The following SYNPR variants were observed in gnomAD, a reference collection of about 807,000 sequenced individuals.
SYNPR encodes the protein synaptoporin.
SYNPR carries 23 observed loss-of-function variants against 32.9 expected under a neutral mutation model. The observed-to-expected ratio is 0.70, with a 90% CI of 0.50 to 0.99. The LOEUF is 0.99. Ranked by LOEUF, SYNPR falls within the 50% of genes least tolerant of loss-of-function variation. The pLI is 0.00. For missense variants in SYNPR, 318 were observed against 349.3 expected (o/e 0.91, Z 0.71); for synonymous variants, 146 against 135.9 (o/e 1.07, Z -0.52).
intron 3 of SYNPR, among the ~76,000 whole-genome samples, chr3:63,531,433 C>A (rs2106789264): frequency 6.6e-6 from 1 of 152,210 alleles, no homozygotes; most frequent in Middle Eastern, 3.4e-3. Context: ...CCAAGCTCTA[C>A]CTCGGCTAAC....
chr3:63,372,086 T>A (rs2087820001), intron 2 of SYNPR, among the ~76,000 whole-genome samples: 1 of 152,038 alleles, frequency 6.6e-6, no homozygotes, highest in South Asian at 2.1e-4. Flanking sequence ...GCTCTATGTT[T>A]CCCTGGAAAA....
chr3:63,248,690 A>G lies in SYNPR; in HGVS notation n.67-3809A>G, dbSNP rs764596342. Among the ~76,000 whole-genome samples the G allele has an allele frequency of 4.9e-4, 74 of 152,154 alleles. 2 individuals are homozygous for G. The highest frequency in any genetic ancestry group is 1.3e-4 in the Non-Finnish European group (9 of 68,020). On this transcript the variant is annotated intron_variant and non_coding_transcript_variant, in intron 1 of 4. Transcript: ENST00000478456. ...CTGTTTGAGACAGTGACAACATAAGATATGTGAAATAGATGCTCTGCAACA... is the reference window on the plus strand; with the variant it reads ...CTGTTTGAGACAGTGACAACATAAGGTATGTGAAATAGATGCTCTGCAACA...
intron 2 of SYNPR, among the ~76,000 whole-genome samples, chr3:63,332,577 G>A (rs1330828406): frequency 6.6e-6 from 1 of 152,128 alleles, no homozygotes; most frequent in Non-Finnish European, 1.5e-5. Context: ...AGAAGGTATG[G>A]GTGGATGGGT....
chr3:63,534,970 A>C (rs1292720754), intron 3 of SYNPR, among the ~76,000 whole-genome samples: 8 of 152,160 alleles, frequency 5.3e-5, no homozygotes, highest in Non-Finnish European at 1.0e-4. Flanking sequence ...ATTGGGTATC[A>C]AATTACAATA....
At chr3:63,422,047 C>T (rs1412981719) in intron 2 of SYNPR, among the ~76,000 whole-genome samples, 1 of 152,208 alleles carries the variant, frequency 6.6e-6, no homozygotes, top group Non-Finnish European at 1.5e-5. Flanking sequence ...AACTCTTCCC[C>T]TTTGCCACAT....
chr3:63,318,469 G>T (rs1033118653), intron 2 of SYNPR, among the ~76,000 whole-genome samples: 1 of 151,464 alleles, frequency 6.6e-6, no homozygotes, highest in Non-Finnish European at 1.5e-5. Context: ...TTTTTTCTTT[G>T]TCTTTATTGG....
chr3:63,602,739 G>C (rs1700064123), intron 4 of SYNPR, among the ~76,000 whole-genome samples: 1 of 152,122 alleles, frequency 6.6e-6, no homozygotes, highest in Non-Finnish European at 1.5e-5. Context: ...TGTTGTTTTG[G>C]TTACTGTAGC....
chr3:63,265,097 G>A (rs1281153836), intron 2 of SYNPR, among the ~76,000 whole-genome samples: 3 of 152,092 alleles, frequency 2.0e-5, no homozygotes, highest in African/African-American at 4.8e-5. Context: ...TTAAAATTCT[G>A]TAGCGTGCAG....
intron 3 of SYNPR, among the ~76,000 whole-genome samples, chr3:63,539,017 T>C (rs1048975278): frequency 1.3e-5 from 2 of 152,142 alleles, no homozygotes; most frequent in East Asian, 1.9e-4. Context: ...TAAGCCTCAC[T>C]TAACTAGATT....
intron 2 of SYNPR, among the ~76,000 whole-genome samples, chr3:63,406,876 A>G (rs1265088356): frequency 6.6e-6 from 1 of 152,108 alleles, no homozygotes; most frequent in East Asian, 1.9e-4. Flanking sequence ...CAGTCTAAAA[A>G]TTTTTACTGC....
At chr3:63,533,681 T>G (rs11130943) in intron 3 of SYNPR, among the ~76,000 whole-genome samples, 37,605 of 152,010 alleles carry the variant, frequency 0.25, 4,752 homozygotes, top group East Asian at 0.33. Flanking sequence ...ACTAACAAAT[T>G]GCTTCAATTT....
chr3:63,541,687 G>A (rs537815540), intron 3 of SYNPR, among the ~76,000 whole-genome samples: 5 of 151,908 alleles, frequency 3.3e-5, no homozygotes, highest in Non-Finnish European at 5.9e-5. Context: ...CATATTCCTC[G>A]GCTTGAAATC....
chr3:63,408,325 AAAGAAAGAAAGAAAG>A (rs1560221263), intron 2 of SYNPR, among the ~76,000 whole-genome samples: 6 of 127,144 alleles, frequency 4.7e-5, no homozygotes, highest in African/African-American at 2.0e-4. Flanking sequence ...GGAAGGAAAG[AAAGAAAGAAAGAAAG>A]AAAGAAAGAA....
chr3:63,579,883 C>A (rs1703060228), intron 4 of SYNPR, among the ~76,000 whole-genome samples: 1 of 151,274 alleles, frequency 6.6e-6, no homozygotes, highest in South Asian at 2.1e-4. Flanking sequence ...TCTAGTGTTT[C>A]TCCTTAGTCT....
chr3:63,428,902 A>T (rs1167311481), intron 2 of SYNPR, among the ~76,000 whole-genome samples: 1 of 152,214 alleles, frequency 6.6e-6, no homozygotes, highest in Non-Finnish European at 1.5e-5. Flanking sequence ...GTGACTCCAG[A>T]TTCAAGGAGT....
At chr3:63,313,212 G>A (rs1392870673) in intron 2 of SYNPR, among the ~76,000 whole-genome samples, 1 of 151,864 alleles carries the variant, frequency 6.6e-6, no homozygotes, top group Non-Finnish European at 1.5e-5. Flanking sequence ...AGGTTGATCT[G>A]ATTTTTTTTA....
chr3:63,384,276 A>G (rs2088012644), intron 2 of SYNPR, among the ~76,000 whole-genome samples: 2 of 152,254 alleles, frequency 1.3e-5, no homozygotes, highest in African/African-American at 4.8e-5. Context: ...CTGTATATTC[A>G]GCATCTAGTG....
chr3:63,249,980 G>C (rs2086318199), intron 1 of SYNPR, among the ~76,000 whole-genome samples: 1 of 152,062 alleles, frequency 6.6e-6, no homozygotes, highest in Non-Finnish European at 1.5e-5. Flanking sequence ...GTGAATAAGA[G>C]AAACTTACCT....
intron 2 of SYNPR, among the ~76,000 whole-genome samples, chr3:63,291,274 G>C (rs1029816515): frequency 6.6e-6 from 1 of 152,176 alleles, no homozygotes; most frequent in East Asian, 1.9e-4. Context: ...TTGGGTAAAT[G>C]TCTTTATCTT....
Sources: gnomAD v4.1 joint callset for allele counts (sites outside exome capture counted in the v4.1 genomes callset) on GRCh38, gnomAD v4.1.1 for gene constraint, MANE v1.5 for transcripts, NCBI Gene and HGNC (gene_info 2026-07-23, HGNC 2026-07-21) for gene names.